Variants in EEFSEC observed in about 807,000 individuals in gnomAD.
EEFSEC encodes the protein selenocysteine-specific elongation factor.
EEFSEC carries 43 observed loss-of-function variants against 42.1 expected under a neutral mutation model. The observed-to-expected ratio is 1.02, with a 90% CI of 0.80 to 1.32. The LOEUF (loss-of-function observed/expected upper bound fraction) is 1.32. Among genes scored for constraint, EEFSEC ranks in the 40% most tolerant of loss-of-function variants. The probability of loss-of-function intolerance (pLI) is 0.00; values close to 1 mark genes in which losing one functional copy is unlikely to be tolerated. For missense variants in EEFSEC, 745 were observed against 803.6 expected (o/e 0.93, Z 0.88); for synonymous variants, 354 against 339.1 (o/e 1.04, Z -0.48).
chr3:128,293,672 A>C (rs11718884), intron 4 of EEFSEC, among the ~76,000 whole-genome samples: 3 of 12,326 alleles, frequency 2.4e-4, no homozygotes, highest in East Asian at 4.0e-3. Flanking sequence ...AAAAAAAAAA[A>C]AAAAAAAAAA....
intron 1 of EEFSEC, among the ~76,000 whole-genome samples, chr3:128,242,946 G>A (rs551149507): frequency 4.5e-4 from 68 of 152,216 alleles, no homozygotes; most frequent in Non-Finnish European, 9.3e-4. Flanking sequence ...AATTGGGAAG[G>A]ACACTGTTTG....
chr3:128,280,520 G>A (rs565300520), intron 4 of EEFSEC, among the ~76,000 whole-genome samples: 48 of 152,316 alleles, frequency 3.2e-4, no homozygotes, highest in South Asian at 6.2e-4. Context: ...CTGTTCTGCT[G>A]AGGGCCACCT....
At chr3:128,383,045 T>A (rs2067795956) in intron 6 of EEFSEC, among the ~76,000 whole-genome samples, 1 of 152,032 alleles carries the variant, frequency 6.6e-6, no homozygotes, top group South Asian at 2.1e-4. Flanking sequence ...AGTGGATCCC[T>A]GCCCCCAGTT....
At chr3:128,403,686 C>T (rs992489903) in intron 6 of EEFSEC, among the ~76,000 whole-genome samples, 7 of 131,830 alleles carry the variant, frequency 5.3e-5, no homozygotes, top group Admixed American at 7.6e-5. Flanking sequence ...GCCCTCAGCG[C>T]CTCTCGCATA....
intron 4 of EEFSEC, among the ~76,000 whole-genome samples, chr3:128,331,729 CTG>C (rs1206154955): frequency 1.3e-5 from 2 of 152,112 alleles, no homozygotes; most frequent in African/African-American, 4.8e-5. Context: ...TAATTGGAAA[CTG>C]CACACTAAGA....
At chr3:128,227,965 C>T (rs934672292) in intron 1 of EEFSEC, among the ~76,000 whole-genome samples, 1 of 152,178 alleles carries the variant, frequency 6.6e-6, no homozygotes, top group African/African-American at 2.4e-5. Context: ...TTCAACTTTT[C>T]TCCCCTTTTT....
At chr3:128,353,295 A>G (rs562273675) in intron 5 of EEFSEC, among the ~76,000 whole-genome samples, 1 of 152,330 alleles carries the variant, frequency 6.6e-6, no homozygotes, top group East Asian at 1.9e-4. Flanking sequence ...CTTGGCCCCT[A>G]TAACCATAGG....
chr3:128,263,660 C>T (rs2066321382), intron 3 of EEFSEC, among the ~76,000 whole-genome samples: 1 of 152,226 alleles, frequency 6.6e-6, no homozygotes, highest in African/African-American at 2.4e-5. Context: ...ATTGTTATCA[C>T]AAGACTAAGA....
At chr3:128,361,359 C>T (rs1042171606) in intron 6 of EEFSEC, among the ~76,000 whole-genome samples, 1 of 152,146 alleles carries the variant, frequency 6.6e-6, no homozygotes, top group African/African-American at 2.4e-5. Context: ...TATATGGGAA[C>T]GTAGGCCTGG....
chr3:128,258,734 T>C (rs531622624), intron 2 of EEFSEC, among the ~76,000 whole-genome samples: 11 of 152,346 alleles, frequency 7.2e-5, no homozygotes, highest in Admixed American at 3.9e-4. Context: ...CATATCGTTT[T>C]TTCGTTGGTT....
chr3:128,417,495 C>T, the EEFSEC span, among the ~76,000 whole-genome samples: 1 of 152,188 alleles, frequency 6.6e-6, no homozygotes, highest in East Asian at 1.9e-4. The surrounding 1 kb of genome is among the most constrained non-coding windows in gnomAD (Gnocchi z 4.3). Context: ...CATTCCCACC[C>T]GCTGTTTCAC....
intron 4 of EEFSEC, among the ~76,000 whole-genome samples, chr3:128,309,428 AG>A (rs1239608350): frequency 1.3e-5 from 2 of 152,322 alleles, no homozygotes; most frequent in East Asian, 3.9e-4. Flanking sequence ...CAGAGGCTAG[AG>A]AGAAGAGAGA....
intron 1 of EEFSEC, among the ~76,000 whole-genome samples, chr3:128,206,660 G>T (rs2065699958): frequency 6.6e-6 from 1 of 152,176 alleles, no homozygotes; most frequent in Non-Finnish European, 1.5e-5. Context: ...GAGAAAGAGG[G>T]TAGATATAAT....
intron 1 of EEFSEC, among the ~76,000 whole-genome samples, chr3:128,211,589 C>T (rs2065756513): frequency 6.8e-6 from 1 of 147,162 alleles, no homozygotes; most frequent in Admixed American, 6.8e-5. Context: ...GATCTCGGCT[C>T]ACTGCAACCT....
chr3:128,169,777 A>C (rs2065276653), intron 1 of EEFSEC, among the ~76,000 whole-genome samples: 1 of 152,184 alleles, frequency 6.6e-6, no homozygotes, highest in East Asian at 1.9e-4. Flanking sequence ...TAGACATCAG[A>C]GATACTAAGT....
chr3:128,350,108 C>T (rs1019580248), intron 5 of EEFSEC, among the ~76,000 whole-genome samples: 5 of 152,262 alleles, frequency 3.3e-5, no homozygotes, highest in Admixed American at 3.3e-4. Flanking sequence ...TGTAAACATG[C>T]AGACGCCATC....
chr3:128,296,880 G>T (rs2066712134), intron 4 of EEFSEC, among the ~76,000 whole-genome samples: 1 of 152,316 alleles, frequency 6.6e-6, no homozygotes, highest in East Asian at 1.9e-4. Context: ...ATCTTGGAGT[G>T]GGGTAGAGGA....
intron 4 of EEFSEC, among the ~76,000 whole-genome samples, chr3:128,297,922 T>C (rs1377731063): frequency 6.6e-6 from 1 of 152,210 alleles, no homozygotes; most frequent in African/African-American, 2.4e-5. Flanking sequence ...TGGATGCCTC[T>C]GGGGCACACA....
At chr3:128,275,018 C>A (rs968395599) in intron 4 of EEFSEC, among the ~76,000 whole-genome samples, 6 of 152,166 alleles carry the variant, frequency 3.9e-5, no homozygotes, top group African/African-American at 1.4e-4. Flanking sequence ...GCTGGGCTTA[C>A]CGAAACTTGT....
Sources: allele counts gnomAD v4.1 joint callset (sites outside exome capture counted in the v4.1 genomes callset), GRCh38; gene constraint gnomAD v4.1.1; non-coding constraint Gnocchi (gnomAD v3.1); transcripts MANE v1.5; gene names NCBI Gene and HGNC (gene_info 2026-07-23, HGNC 2026-07-21).